The following FAM163A variants were observed in gnomAD, a reference collection of about 807,000 sequenced individuals.
FAM163A encodes family with sequence similarity 163 member A, also known as protein FAM163A.
A neutral mutation model predicts 12.0 loss-of-function variants in FAM163A; 7 were observed. That is an observed-to-expected ratio of 0.58 (90% confidence interval 0.33 to 1.10). The LOEUF (loss-of-function observed/expected upper bound fraction) is 1.10. Among genes scored for constraint, FAM163A ranks in the 50% least tolerant of loss-of-function variants. The probability of loss-of-function intolerance (pLI) is 0.03; values close to 1 mark genes in which losing one functional copy is unlikely to be tolerated. For synonymous variants in FAM163A, 101 were observed against 91.0 expected (o/e 1.11, Z -0.62); for missense variants, 202 against 218.6 (o/e 0.92, Z 0.48).
chr1:179,812,917 G>C (rs1015750101), intron 3 of FAM163A, among the ~76,000 whole-genome samples, 159 bp from the exon 4 acceptor site: 3 of 152,146 alleles, frequency 2.0e-5, no homozygotes, highest in Non-Finnish European at 2.9e-5. Context: ...AGCCACAGTC[G>C]TCCTCAGCCT....
intron 1 of FAM163A, among the ~76,000 whole-genome samples, chr1:179,765,669 C>A (rs3893369): frequency 0.096 from 13,916 of 144,364 alleles, 824 homozygotes; most frequent in Non-Finnish European, 0.14. Flanking sequence ...AGGAATTGAG[C>A]TTTGGGAATT....
intron 2 of FAM163A, among the ~76,000 whole-genome samples, chr1:179,809,819 G>A (rs1324334044): frequency 1.3e-5 from 2 of 152,188 alleles, no homozygotes; most frequent in Admixed American, 6.5e-5. Context: ...GTGGTGAGGG[G>A]ATGAAGTGGT....
At chr1:179,804,573 G>T (rs1304148152) in intron 1 of FAM163A, among the ~76,000 whole-genome samples, 1 of 152,220 alleles carries the variant, frequency 6.6e-6, no homozygotes, top group African/African-American at 2.4e-5. Context: ...ATCAGTGACA[G>T]ACTGGATAAA....
At chr1:179,747,569 A>ACACTATTT (rs1271861970) in intron 1 of FAM163A, among the ~76,000 whole-genome samples, 1 of 152,208 alleles carries the variant, frequency 6.6e-6, no homozygotes, top group Non-Finnish European at 1.5e-5. Context: ...TGCTAAGCCT[A>ACACTATTT]CACTATTTCA....
At chr1:179,813,721 A>G in intron 4 of FAM163A, 58 bp from the exon 5 acceptor site, 2 of 1,597,874 alleles carry the variant, frequency 1.3e-6, no homozygotes, top group South Asian at 2.3e-5. Context: ...ACGCTCAAAA[A>G]TGCATGGGGC....
At chr1:179,813,675 G>A in intron 4 of FAM163A, 104 bp from the exon 5 acceptor site, 1 of 1,350,738 alleles carries the variant, frequency 7.4e-7, no homozygotes, top group Non-Finnish European at 1.0e-6. Flanking sequence ...CCTGGCACTA[G>A]GTTCTCCATG....
At chr1:179,787,701 G>C (rs1039922891) in intron 1 of FAM163A, among the ~76,000 whole-genome samples, 8 of 152,158 alleles carry the variant, frequency 5.3e-5, no homozygotes, top group Admixed American at 3.3e-4. Context: ...GACTCCATGT[G>C]TTTTAGGGAA....
intron 1 of FAM163A, among the ~76,000 whole-genome samples, chr1:179,798,449 C>T (rs1011949353): frequency 7.2e-5 from 11 of 152,234 alleles, no homozygotes; most frequent in Non-Finnish European, 1.6e-4. Context: ...CCTCCAGTGG[C>T]TTCAGTGCAG....
intron 1 of FAM163A, among the ~76,000 whole-genome samples, chr1:179,759,288 C>T (rs1686465738): frequency 6.6e-6 from 1 of 152,084 alleles, no homozygotes; most frequent in Non-Finnish European, 1.5e-5. Flanking sequence ...GCAAAATCAC[C>T]TCCCCACTCC....
intron 1 of FAM163A, among the ~76,000 whole-genome samples, chr1:179,769,135 T>A (rs967401774): frequency 2.0e-5 from 3 of 152,210 alleles, no homozygotes; most frequent in East Asian, 3.9e-4. Context: ...GTTTGAAATT[T>A]TTTATTTATT....
intron 1 of FAM163A, among the ~76,000 whole-genome samples, chr1:179,793,465 T>C (rs1436527159): frequency 6.6e-6 from 1 of 152,196 alleles, no homozygotes; most frequent in Non-Finnish European, 1.5e-5. Flanking sequence ...ATGTGCGTGG[T>C]GAAAGCATGA....
chr1:179,767,519 G>A (rs1238966718), intron 1 of FAM163A, among the ~76,000 whole-genome samples: 2 of 152,142 alleles, frequency 1.3e-5, no homozygotes, highest in South Asian at 2.1e-4. Context: ...AGCCAACTGG[G>A]AGCCTTCTCC....
At chr1:179,750,149 G>T (rs1685063018) in intron 1 of FAM163A, among the ~76,000 whole-genome samples, 2 of 152,202 alleles carry the variant, frequency 1.3e-5, no homozygotes, top group Non-Finnish European at 2.9e-5. Context: ...CCAGAAGCTA[G>T]AGGGGGCTGG....
intron 1 of FAM163A, among the ~76,000 whole-genome samples, chr1:179,769,900 CTTTTTTTTTT>C (rs1196869449): frequency 8.2e-5 from 8 of 97,136 alleles, no homozygotes; most frequent in Non-Finnish European, 1.5e-4. Flanking sequence ...ATCCCTAATT[CTTTTTTTTTT>C]TTTTTTTTTT....
rs1022113916 is a variant in FAM163A, at chr1:179,815,333, G to A, written c.*1144G>A. ...AACAGGAAGAGCACAGAATCTCTGTGGGGCGATGCTGCAGCGGCTGAAACC... is the reference window on the plus strand; with the variant it reads ...AACAGGAAGAGCACAGAATCTCTGTAGGGCGATGCTGCAGCGGCTGAAACC... On this transcript the variant is annotated 3_prime_UTR_variant, in exon 5 of 5. Coordinates refer to ENST00000341785, the MANE Select transcript of FAM163A (RefSeq NM_173509.3). 10 of 152,248 alleles carry A rather than the reference G, an allele frequency of 6.6e-5. No individual in the cohort carries two copies. Among genetic ancestry groups the A allele is most frequent in the African/African-American group, 2.4e-4 (10 of 41,418 alleles). 9.4% of individuals were successfully genotyped at this position (152,248 alleles called of 1,614,324 possible). A position where few individuals can be genotyped will look rare whatever the true frequency, so the allele number is the denominator to read the frequency against.
intron 1 of FAM163A, among the ~76,000 whole-genome samples, chr1:179,756,413 G>A (rs1260528732): frequency 2.0e-5 from 3 of 152,180 alleles, no homozygotes; most frequent in Non-Finnish European, 4.4e-5. Context: ...GAGAGAAAGA[G>A]GACATGTCTA....
rs2148144359 is a variant in FAM163A at position 179,776,010 on chromosome 1, G to C, written c.-135-31788G>C. Among the ~76,000 whole-genome samples the C allele has an allele frequency of 1.3e-5, 2 of 152,278 alleles. 1 individual carries two copies. The highest frequency in any genetic ancestry group is 4.1e-4 in the South Asian group (2 of 4,824). On this transcript the variant is annotated intron_variant, in intron 1 of 4. Coordinates refer to ENST00000341785, the MANE Select transcript of FAM163A (RefSeq NM_173509.3). ...AATGAATTGATCAGATGGGGTGGGGGTTGGGTGGCATTAGGGAGATTGTTA... is the reference window on the plus strand; with the variant it reads ...AATGAATTGATCAGATGGGGTGGGGCTTGGGTGGCATTAGGGAGATTGTTA...
At chr1:179,801,278 A>T (rs552009346) in intron 1 of FAM163A, among the ~76,000 whole-genome samples, 1 of 152,186 alleles carries the variant, frequency 6.6e-6, no homozygotes, top group East Asian at 1.9e-4. Context: ...AGGGAGACCC[A>T]GTGGAACCCC....
intron 1 of FAM163A, among the ~76,000 whole-genome samples, chr1:179,782,295 C>T (rs1057503847): frequency 6.6e-6 from 1 of 151,810 alleles, no homozygotes; most frequent in Non-Finnish European, 1.5e-5. Flanking sequence ...AGACCTGGGA[C>T]TCATTGAATT....
Sources: allele counts gnomAD v4.1 joint callset (sites outside exome capture counted in the v4.1 genomes callset), GRCh38; gene constraint gnomAD v4.1.1; transcripts MANE v1.5; gene names NCBI Gene and HGNC (gene_info 2026-07-23, HGNC 2026-07-21).